The following IBTK variants were observed in gnomAD, a reference collection of about 807,000 sequenced individuals.
IBTK encodes inhibitor of Bruton tyrosine kinase, also known as BTK-binding protein.
Under a neutral mutation model 154.9 loss-of-function variants are expected in IBTK, and 83 were observed. The observed-to-expected ratio is 0.54, with a 90% CI of 0.45 to 0.64. The LOEUF (loss-of-function observed/expected upper bound fraction) is 0.64, where lower values mean the gene tolerates loss of function less well. Ranked by LOEUF, IBTK falls within the 30% of genes least tolerant of loss-of-function variation. The pLI is 0.00. For synonymous variants in IBTK, 515 were observed against 536.1 expected, an observed-to-expected ratio of 0.96 and a Z score of 0.54; for missense variants, 1,332 against 1,584.6, an observed-to-expected ratio of 0.84 and a Z score of 2.71.
chr6:82,203,567 A>G (rs7757183), intron 17 of IBTK, among the ~76,000 whole-genome samples: 95 of 152,298 alleles, frequency 6.2e-4, no homozygotes, highest in African/African-American at 2.2e-3. Flanking sequence ...TAGATCATAT[A>G]AAAACTTCTT....
chr6:82,233,124 G>A (rs1350520034), intron 3 of IBTK, among the ~76,000 whole-genome samples: 2 of 142,606 alleles, frequency 1.4e-5, no homozygotes, highest in East Asian at 2.1e-4. Context: ...GCCATTGCAC[G>A]CCAGCCTGGG....
rs756494810 is a variant in IBTK at position 82,170,323 on chromosome 6, A to G, written c.*1102T>C. On this transcript the variant is annotated 3_prime_UTR_variant, in exon 29 of 29. Coordinates refer to ENST00000306270, the MANE Select transcript of IBTK (RefSeq NM_015525.4). ...AGAGTTAAACCTGACATATTGAGTC[A>G]GTTTCCGTCATTTTACATCAACTAA... 1 of 152,598 alleles carries G rather than the reference A, an allele frequency of 6.6e-6. No individual in the cohort carries two copies. Among genetic ancestry groups the G allele is most frequent in the Non-Finnish European group, 1.5e-5 (1 of 68,032 alleles). 9.5% of individuals were successfully genotyped at this position (152,598 alleles called of 1,614,324 possible).
chr6:82,191,670 G>C (rs1359930649), intron 24 of IBTK, 117 bp downstream of exon 24: 1 of 744,178 alleles, frequency 1.3e-6, no homozygotes, highest in Admixed American at 2.0e-5. Flanking sequence ...AGAAAAGGAT[G>C]TATAATTAAC....
chr6:82,225,712 T>G (rs927238183), intron 5 of IBTK, 65 bp from the exon 6 acceptor site: 16 of 1,172,226 alleles, frequency 1.4e-5, no homozygotes, highest in Admixed American at 2.3e-5. Context: ...AAATAGAATT[T>G]GATGATACTA....
rs1767923623 is a variant in IBTK at position 82,171,367 on chromosome 6, T to C, written c.*58A>G. 2 of 1,470,748 alleles carry C rather than the reference T, an allele frequency of 1.4e-6. No individual in the cohort carries two copies. The highest frequency in any genetic ancestry group is 1.9e-6 in the Non-Finnish European group (2 of 1,077,388). The allele number at this position is 1,470,748 out of a possible 1,614,324, so 91.1% of individuals were successfully genotyped here. A position where few individuals can be genotyped will look rare whatever the true frequency, so the allele number is the denominator to read the frequency against. On this transcript the variant is annotated 3_prime_UTR_variant, in exon 29 of 29. Coordinates refer to ENST00000306270, the MANE Select transcript of IBTK (RefSeq NM_015525.4). ...AATCTCTAAGACTCTTTTCCACAGCTTTTCTTTATATGAACAAACTCATAA... is the reference window on the plus strand; with the variant it reads ...AATCTCTAAGACTCTTTTCCACAGCCTTTCTTTATATGAACAAACTCATAA...
At chr6:82,185,985 A>G (rs1226311312) in intron 25 of IBTK, among the ~76,000 whole-genome samples, 1 of 152,070 alleles carries the variant, frequency 6.6e-6, no homozygotes, top group Non-Finnish European at 1.5e-5. Context: ...TCTCTGTGTC[A>G]TATTTTGGTA....
chr6:82,181,818 T>C (rs896341627), intron 26 of IBTK, 61 bp downstream of exon 26: 1 of 1,223,246 alleles, frequency 8.2e-7, no homozygotes, highest in Non-Finnish European at 1.1e-6. Context: ...TTTCAGAACA[T>C]AAAACCACCA....
rs191440276 is a variant in IBTK, at chr6:82,173,544, C to A, written c.3726-106G>T. ...AATTGTAAACTCCTGACTCCAGAGGCAAATTAAATGAGTGCAGTCAAGCTT... is the reference window on the plus strand; with the variant it reads ...AATTGTAAACTCCTGACTCCAGAGGAAAATTAAATGAGTGCAGTCAAGCTT... On this transcript the variant is annotated intron_variant, in intron 26 of 28. Transcript: ENST00000306270. 1,592 of 787,760 alleles carry A rather than the reference C, an allele frequency of 2.0e-3. 4 individuals are homozygous for A. The highest frequency in any genetic ancestry group is 0.015 in the African/African-American group (851 of 57,822). The allele number at this position is 787,760 out of a possible 1,614,324, so 48.8% of individuals were successfully genotyped here. A position where few individuals can be genotyped will look rare whatever the true frequency, so the allele number is the denominator to read the frequency against.
At chr6:82,238,034 A>C (rs1770796473) in intron 2 of IBTK, among the ~76,000 whole-genome samples, 3 of 152,122 alleles carry the variant, frequency 2.0e-5, no homozygotes, top group Admixed American at 2.0e-4. Context: ...ACTTGAGATC[A>C]GGAGTTCAAG....
intron 1 of IBTK, among the ~76,000 whole-genome samples, chr6:82,245,428 A>G (rs1582268659): frequency 6.6e-6 from 1 of 152,204 alleles, no homozygotes; most frequent in Non-Finnish European, 1.5e-5. Context: ...GTAGTGGCAC[A>G]TCCCTGTAGT....
intron 17 of IBTK, 36 bp downstream of exon 17, chr6:82,204,821 G>T: frequency 7.9e-7 from 1 of 1,266,264 alleles, no homozygotes; most frequent in Non-Finnish European, 1.1e-6. Context: ...TGATGAACCT[G>T]AAAACATATT....
intron 1 of IBTK, among the ~76,000 whole-genome samples, chr6:82,242,184 A>C (rs778256018): frequency 1.2e-4 from 18 of 152,098 alleles, no homozygotes; most frequent in Non-Finnish European, 2.5e-4. Context: ...AGCCTGACCA[A>C]CCTGGAGAAA....
chr6:82,215,958 G>C, intron 11 of IBTK, 118 bp downstream of exon 11: 1 of 648,534 alleles, frequency 1.5e-6, no homozygotes, highest in Non-Finnish European at 2.7e-6. Context: ...TTATGTCTAA[G>C]GTCTCTATAG....
chr6:82,235,021 C>T (rs569371562), intron 2 of IBTK, among the ~76,000 whole-genome samples: 200 of 152,006 alleles, frequency 1.3e-3, no homozygotes, highest in Admixed American at 3.3e-3. Flanking sequence ...CCACCATACC[C>T]GGCTAATTTT....
At chr6:82,174,123 GCT>G (rs1768027187) in intron 26 of IBTK, among the ~76,000 whole-genome samples, 1 of 152,086 alleles carries the variant, frequency 6.6e-6, no homozygotes, top group Non-Finnish European at 1.5e-5. Context: ...TTGCTCCAAT[GCT>G]CTCTTTCAGC....
At chr6:82,221,170 G>A (rs530780989) in intron 8 of IBTK, among the ~76,000 whole-genome samples, 69 of 152,080 alleles carry the variant, frequency 4.5e-4, no homozygotes, top group African/African-American at 1.6e-3. Flanking sequence ...CTACTAAGAC[G>A]AAAATCAGCC....
intron 15 of IBTK, 31 bp downstream of exon 15, chr6:82,211,336 C>A (rs1382155611): frequency 6.4e-7 from 1 of 1,555,732 alleles, no homozygotes; most frequent in South Asian, 1.2e-5. Context: ...AACATAGTTA[C>A]CAACCTAGGC....
intron 28 of IBTK, among the ~76,000 whole-genome samples, chr6:82,172,042 C>G (rs1422214969): frequency 6.6e-6 from 1 of 152,148 alleles, no homozygotes; most frequent in Non-Finnish European, 1.5e-5. Context: ...CTGTTGCTTA[C>G]AATCTTAGAA....
Position 82,217,166 on chromosome 6 carries a change from A to G in IBTK, c.1426+794T>C, listed in dbSNP as rs1218541496. Among the ~76,000 whole-genome samples the G allele has an allele frequency of 3.9e-5, 6 of 152,166 alleles. No homozygotes were observed. In the East Asian group the frequency reaches 1.2e-3, roughly 29 times the overall value. On this transcript the variant is annotated intron_variant, in intron 10 of 28. Transcript: ENST00000306270. ...AAAGATAATAATTTACAGAAATAGAAAACACTGAGAAGCAGAAGTTAGAGC... is the reference window on the plus strand; with the variant it reads ...AAAGATAATAATTTACAGAAATAGAGAACACTGAGAAGCAGAAGTTAGAGC...
Sources: gnomAD v4.1 joint callset for allele counts (sites outside exome capture counted in the v4.1 genomes callset) on GRCh38, gnomAD v4.1.1 for gene constraint, MANE v1.5 for transcripts, NCBI Gene and HGNC (gene_info 2026-07-23, HGNC 2026-07-21) for gene names.